Variants in EPSTI1 observed in about 807,000 individuals in gnomAD.
The protein encoded by EPSTI1 is epithelial stromal interaction 1, also known as epithelial-stromal interaction protein 1.
EPSTI1 carries 66 observed loss-of-function variants against 49.9 expected under a neutral mutation model. That is an observed-to-expected ratio of 1.32 (90% confidence interval 1.08 to 1.62). The LOEUF (loss-of-function observed/expected upper bound fraction) is 1.62. EPSTI1 is among the 40% of genes most tolerant of loss of function. The pLI is 0.00. For synonymous variants in EPSTI1, 137 were observed against 130.7 expected, an observed-to-expected ratio of 1.05 and a Z score of -0.33; for missense variants, 394 against 365.5, an observed-to-expected ratio of 1.08 and a Z score of -0.64.
intron 5 of EPSTI1, among the ~76,000 whole-genome samples, chr13:42,962,065 A>G (rs1488399590): frequency 3.9e-5 from 6 of 152,234 alleles, no homozygotes; most frequent in Non-Finnish European, 5.9e-5. Flanking sequence ...GCTCACATTT[A>G]ACATGAAAAG....
intron 1 of EPSTI1, among the ~76,000 whole-genome samples, chr13:42,974,280 GA>G (rs1344986974): frequency 6.6e-6 from 1 of 152,028 alleles, no homozygotes; most frequent in East Asian, 1.9e-4. Context: ...AGGTTGCAGT[GA>G]GCTGCGATCA....
intron 5 of EPSTI1, among the ~76,000 whole-genome samples, chr13:42,955,828 A>G (rs1304328574): frequency 7.4e-6 from 1 of 135,720 alleles, no homozygotes; most frequent in Non-Finnish European, 1.6e-5. Context: ...AAAAACAAAA[A>G]ATGTTTGTTT....
intron 8 of EPSTI1, among the ~76,000 whole-genome samples, chr13:42,907,416 C>T (rs945641906): frequency 6.6e-6 from 1 of 152,202 alleles, no homozygotes; most frequent in Non-Finnish European, 1.5e-5. Context: ...TCCCATTAAT[C>T]TTATGTTAAA....
Position 42,928,075 on chromosome 13 carries a change from AT to A in EPSTI1, c.564-1647del, listed in dbSNP as rs138473261. On this transcript the variant is annotated intron_variant, in intron 6 of 10. Transcript: ENST00000313624. ...AAAGCTGCCTGCAGAGCCAGCCTCT[AT>A]CTGTGGTCCTTGTGCCAATTATCAC... Among the ~76,000 whole-genome samples the A allele has an allele frequency of 3.7e-3, 560 of 152,298 alleles. 1 individual carries two copies. The highest frequency in any genetic ancestry group is 6.3e-3 in the Non-Finnish European group (430 of 68,022).
In EPSTI1 at chr13:42,965,672, A is replaced by AGTCCCTGTCCCT. The variant is rs1285769504; in HGVS notation, c.332-1545_332-1534dup. Among the ~76,000 whole-genome samples the AGTCCCTGTCCCT allele has an allele frequency of 6.5e-5, 5 of 77,190 alleles. 1 individual carries two copies. Among genetic ancestry groups the AGTCCCTGTCCCT allele is most frequent in the African/African-American group, 2.1e-4 (5 of 23,364 alleles). 50.6% of individuals were successfully genotyped at this position (77,190 alleles called of 152,430 possible). On this transcript the variant is annotated intron_variant, in intron 3 of 10. Transcript: ENST00000313624. ...GAGAAGTTTAATGAAAATCAGCTGG[A>AGTCCCTGTCCCT]GTCCCTGTCCCTCTCCCTCTCCCTC...
At chr13:42,898,701 C>A (rs1245226444) in intron 9 of EPSTI1, among the ~76,000 whole-genome samples, 1 of 152,114 alleles carries the variant, frequency 6.6e-6, no homozygotes, top group Non-Finnish European at 1.5e-5. Context: ...CACCTCTAAT[C>A]AAATAGCTTG....
intron 5 of EPSTI1, among the ~76,000 whole-genome samples, chr13:42,961,419 G>A (rs780430698): frequency 6.6e-6 from 1 of 152,190 alleles, no homozygotes; most frequent in Non-Finnish European, 1.5e-5. Context: ...AACATCACTA[G>A]AAGTATATAT....
At chr13:42,925,627 C>G (rs756929444) in intron 7 of EPSTI1, among the ~76,000 whole-genome samples, 3 of 152,196 alleles carry the variant, frequency 2.0e-5, no homozygotes, top group Non-Finnish European at 4.4e-5. Flanking sequence ...ATTTCTATAT[C>G]CTTCTAGCTC....
Position 42,992,025 on chromosome 13 carries a change from G to A in EPSTI1, c.141C>T (p.Ala47=). The A allele has an allele frequency of 6.2e-7, 1 of 1,613,480 alleles. No individual in the cohort carries two copies. The part of the protein sequence containing the change: ...VEDQREGLEA[A]PKGPSRESVV... ...CGCTCTCCCGCGAAGGGCCCTTAGG[G>A]GCTGCCTCCAAACCCTCTCTCTGGT... Residue 47 remains alanine (A), a synonymous_variant, in exon 1 of 11, where the codon GCC becomes GCT. Transcript: ENST00000313624.
At chr13:42,964,044 AC>A (rs897835223) in intron 4 of EPSTI1, 21 bp downstream of exon 4, 5 of 1,603,916 alleles carry the variant, frequency 3.1e-6, no homozygotes, top group Non-Finnish European at 4.3e-6. Flanking sequence ...CCAAAATTCA[AC>A]TAAAAGAGAT....
At chr13:42,899,303 A>T (rs1407142675) in intron 9 of EPSTI1, among the ~76,000 whole-genome samples, 2 of 152,138 alleles carry the variant, frequency 1.3e-5, no homozygotes, top group Admixed American at 6.5e-5. Context: ...CCCCACCACC[A>T]TCTTACCCAA....
At chr13:42,919,894 T>A (rs2037944680) in intron 7 of EPSTI1, among the ~76,000 whole-genome samples, 1 of 152,194 alleles carries the variant, frequency 6.6e-6, no homozygotes, top group Admixed American at 6.5e-5. Flanking sequence ...TACTATCTTA[T>A]AGTTCTGGAG....
intron 10 of EPSTI1, chr13:42,889,223 GA>G: frequency 6.4e-7 from 1 of 1,564,904 alleles, no homozygotes; most frequent in Non-Finnish European, 8.6e-7. Flanking sequence ...TAGGTGCCTC[GA>G]AAAAACTAAT....
chr13:42,950,321 C>T (rs2039056434), intron 6 of EPSTI1, among the ~76,000 whole-genome samples: 1 of 152,218 alleles, frequency 6.6e-6, no homozygotes, highest in Admixed American at 6.5e-5. Flanking sequence ...CTGTGTGCTC[C>T]ATCTGCATGT....
chr13:42,956,515 GA>G (rs1343497270), intron 5 of EPSTI1, among the ~76,000 whole-genome samples: 2 of 152,162 alleles, frequency 1.3e-5, no homozygotes, highest in Non-Finnish European at 2.9e-5. Flanking sequence ...AGGGGAGTAG[GA>G]AAGGAAAAAT....
At chr13:42,898,397 C>T (rs1459500416) in intron 9 of EPSTI1, among the ~76,000 whole-genome samples, 3 of 152,156 alleles carry the variant, frequency 2.0e-5, no homozygotes, top group African/African-American at 7.2e-5. Flanking sequence ...GCTCATGGCA[C>T]ACTTTAAAGG....
At chr13:42,942,018 T>TA (rs1383100112) in intron 6 of EPSTI1, among the ~76,000 whole-genome samples, 1 of 152,194 alleles carries the variant, frequency 6.6e-6, no homozygotes. Flanking sequence ...ATAGTTTTTG[T>TA]CATATGTATT....
At chr13:42,956,727 G>A (rs74564280) in intron 5 of EPSTI1, among the ~76,000 whole-genome samples, 14,925 of 152,128 alleles carry the variant, frequency 0.098, 1,078 homozygotes, top group East Asian at 0.31. Flanking sequence ...GACAGGAAAG[G>A]GGCATTCCCA....
At chr13:42,919,482 C>A in intron 7 of EPSTI1, 1 of 712,724 alleles carries the variant, frequency 1.4e-6, no homozygotes, top group South Asian at 1.8e-5. Context: ...ATCATTCAAC[C>A]AAAATACACC....
Sources: gnomAD v4.1 joint callset for allele counts (sites outside exome capture counted in the v4.1 genomes callset) on GRCh38, gnomAD v4.1.1 for gene constraint, MANE v1.5 for transcripts, NCBI Gene and HGNC (gene_info 2026-07-23, HGNC 2026-07-21) for gene names.